Variants in GASK1A observed in about 807,000 individuals in gnomAD.
GASK1A encodes the protein Golgi-associated kinase 1A.
Under a neutral mutation model 41.2 loss-of-function variants are expected in GASK1A, and 40 were observed. The ratio of observed to expected loss-of-function variants is 0.97; its 90% CI spans 0.75 to 1.27. GASK1A has a LOEUF of 1.27. Ranked by LOEUF, GASK1A falls within the 50% of genes most tolerant of loss-of-function variation. The probability of loss-of-function intolerance (pLI) is 0.00; values close to 1 mark genes in which losing one functional copy is unlikely to be tolerated. For synonymous variants in GASK1A, 316 were observed against 307.1 expected, an observed-to-expected ratio of 1.03 and a Z score of -0.30; for missense variants, 678 against 745.1, an observed-to-expected ratio of 0.91 and a Z score of 1.05.
intron 2 of GASK1A, among the ~76,000 whole-genome samples, chr3:43,034,188 G>C (rs964408622): frequency 1.3e-5 from 2 of 152,218 alleles, no homozygotes; most frequent in East Asian, 3.9e-4. Flanking sequence ...AAAAGAGAGA[G>C]GGAGAGGTGG....
Position 43,044,154 on chromosome 3 carries a change from C to A in GASK1A, c.1291-9367C>A, listed in dbSNP as rs564466995. Among the ~76,000 whole-genome samples the A allele has an allele frequency of 8.3e-4, 126 of 152,302 alleles. 1 individual carries two copies. The South Asian group carries it at 0.012, about 14-fold the overall frequency. ...GTTTGGTGGGAGCAAGGGGGTTTGG[C>A]TGACCATGCAGCAGGTGTGAAGCAA... On this transcript the variant is annotated intron_variant, in intron 2 of 4. Transcript: ENST00000430121.
chr3:42,979,465 G>C lies in GASK1A; in HGVS notation c.-178G>C. On this transcript the variant is annotated 5_prime_UTR_variant, in exon 1 of 5. Transcript: ENST00000430121. ...AGCGATCTCCCGAGAGTTGGCGCAG[G>C]GCCACTTGGCTGCAGAGAACGTGTG... The C allele has an allele frequency of 1.8e-6, 1 of 550,366 alleles. No individual in the cohort carries two copies. 34.1% of individuals were successfully genotyped at this position (550,366 alleles called of 1,614,324 possible). A position where few individuals can be genotyped will look rare whatever the true frequency, so the allele number is the denominator to read the frequency against.
intron 1 of GASK1A, among the ~76,000 whole-genome samples, chr3:42,994,726 G>T (rs1301656029): frequency 6.6e-6 from 1 of 152,076 alleles, no homozygotes; most frequent in Non-Finnish European, 1.5e-5. Flanking sequence ...TCAGAAACTT[G>T]TTAATTAGGC....
intron 2 of GASK1A, among the ~76,000 whole-genome samples, chr3:43,046,065 C>T (rs773129456): frequency 6.6e-6 from 1 of 152,060 alleles, no homozygotes; most frequent in Non-Finnish European, 1.5e-5. Flanking sequence ...TAAATTGGTA[C>T]CACAAAGAGT....
intron 1 of GASK1A, among the ~76,000 whole-genome samples, chr3:43,024,113 C>T (rs1231021074): frequency 2.0e-5 from 3 of 152,106 alleles, no homozygotes; most frequent in Admixed American, 6.5e-5. Context: ...GGAAGGACTG[C>T]CCCTCCGAGG....
intron 1 of GASK1A, among the ~76,000 whole-genome samples, chr3:43,020,417 C>A (rs2089515572): frequency 6.6e-6 from 1 of 152,196 alleles, no homozygotes; most frequent in South Asian, 2.1e-4. Flanking sequence ...AGAGATAAGT[C>A]TGTGACTGGG....
Position 43,055,548 on chromosome 3 carries a change from A to T in GASK1A, c.1517+13A>T. The T allele has an allele frequency of 4.5e-6, 7 of 1,542,022 alleles. No homozygotes were observed. The highest frequency in any genetic ancestry group is 6.2e-6 in the Non-Finnish European group (7 of 1,138,180). On this transcript the variant is annotated intron_variant, in intron 4 of 4. Coordinates refer to ENST00000430121, the MANE Select transcript of GASK1A (RefSeq NM_001129908.3). ...AGGGCATAGATGGGTGAGGGTCAAA[A>T]GGGTTGGGTGGAAGTTCATGGGACT...
chr3:43,053,614 C>G lies in GASK1A; in HGVS notation c.1384C>G (p.Pro462Ala), dbSNP rs1055481833. 2 of 1,551,628 alleles carry G rather than the reference C, an allele frequency of 1.3e-6. No homozygotes were observed. The highest frequency in any genetic ancestry group is 8.7e-7 in the Non-Finnish European group (1 of 1,147,020). ...EERLREKCQN[P>A]AELRLVHILV... The stretch of plus-strand genomic sequence containing the variant: ...GAGGCTCCGAGAGAAATGCCAGAAC[C>G]CAGCCGAGCTGCGGCTGGTCCACAT... Residue 462 changes from proline (P) to alanine (A), a missense_variant, in exon 3 of 5, where the codon CCA becomes GCA. Transcript: ENST00000430121.
chr3:43,019,790 C>CACA (rs1559402103), intron 1 of GASK1A, among the ~76,000 whole-genome samples: 26 of 145,710 alleles, frequency 1.8e-4, no homozygotes, highest in African/African-American at 6.6e-4. Context: ...ACACACACAC[C>CACA]CCATCACATG....
intron 1 of GASK1A, among the ~76,000 whole-genome samples, chr3:43,003,438 T>C (rs1043638437): frequency 1.4e-5 from 2 of 146,918 alleles, no homozygotes; most frequent in African/African-American, 5.1e-5. Context: ...GAGGTTGCAG[T>C]GAGCCAAGAT....
Position 43,057,457 on chromosome 3 carries a change from A to G in GASK1A, c.*1071A>G, listed in dbSNP as rs2089721757. The G allele has an allele frequency of 6.7e-6, 1 of 148,968 alleles. No homozygotes were observed. The highest frequency in any genetic ancestry group is 1.5e-5 in the Non-Finnish European group (1 of 67,338). The allele number at this position is 148,968 out of a possible 1,614,324, so 9.2% of individuals were successfully genotyped here. On this transcript the variant is annotated 3_prime_UTR_variant, in exon 5 of 5. Coordinates refer to ENST00000430121, the MANE Select transcript of GASK1A (RefSeq NM_001129908.3). ...ATTATTTTTCTACACCTTCACCAAC[A>G]CTTGGCATTCTCAGACTTTTGGGTT...
intron 1 of GASK1A, among the ~76,000 whole-genome samples, chr3:43,008,439 G>A (rs534039359): frequency 6.6e-6 from 1 of 152,328 alleles, no homozygotes; most frequent in Non-Finnish European, 1.5e-5. Flanking sequence ...TATGCCCACG[G>A]TTGTCAGGAA....
intron 1 of GASK1A, among the ~76,000 whole-genome samples, chr3:42,992,757 G>A (rs1575435486): frequency 1.3e-5 from 2 of 152,310 alleles, no homozygotes; most frequent in South Asian, 2.1e-4. Flanking sequence ...AACTTCAGCC[G>A]AATTAAATTT....
intron 2 of GASK1A, among the ~76,000 whole-genome samples, chr3:43,045,687 G>T (rs1176126324): frequency 6.6e-6 from 1 of 152,106 alleles, no homozygotes; most frequent in African/African-American, 2.4e-5. Context: ...TGGTGATATG[G>T]TTTGACTGTG....
intron 2 of GASK1A, among the ~76,000 whole-genome samples, chr3:43,048,717 C>T (rs879674306): frequency 2.6e-5 from 4 of 152,126 alleles, no homozygotes; most frequent in Non-Finnish European, 4.4e-5. Context: ...TTTTCCAGCA[C>T]ATTTGCCTGC....
chr3:43,031,168 T>C (rs1436808375), intron 1 of GASK1A, among the ~76,000 whole-genome samples: 1 of 152,240 alleles, frequency 6.6e-6, no homozygotes, highest in African/African-American at 2.4e-5. Context: ...GACTAGATTG[T>C]CCATTCATTT....
Position 42,990,396 on chromosome 3 carries a change from C to T in GASK1A, c.3+10751C>T, listed in dbSNP as rs372791606. On this transcript the variant is annotated intron_variant, in intron 1 of 4. Transcript: ENST00000430121. Reference sequence around the variant, plus strand: ...CCTATGCATACACCCTTGGGGATAACTCCCAACCAGCTTCTCAGAGTGCTG... The same window carrying T: ...CCTATGCATACACCCTTGGGGATAATTCCCAACCAGCTTCTCAGAGTGCTG... 4.6e-5 allele frequency among the ~76,000 whole-genome samples: 7 copies of T among 150,850 alleles called. 1 individual carries two copies. The highest frequency in any genetic ancestry group is 1.7e-4 in the African/African-American group (7 of 41,054).
At position 43,033,005 on chromosome 3, in the gene GASK1A, T is replaced by C. The variant is rs1185538060; in HGVS notation, c.742T>C (p.Leu248=). The stretch of plus-strand genomic sequence containing the variant: ...AGTATGGTGTGATGCTGAGACGCTG[T>C]TGAGCAGCTCGAGGACTGGTGGGCA... ...GSVWCDAETL[L]SSSRTGGQAP... The change falls in exon 2 of 5, where the codon TTG becomes CTG. Residue 248 remains leucine (L), a synonymous_variant. Coordinates refer to ENST00000430121, the MANE Select transcript of GASK1A (RefSeq NM_001129908.3). The C allele has an allele frequency of 2.6e-6, 4 of 1,551,528 alleles. No homozygotes were observed. The highest frequency in any genetic ancestry group is 3.5e-6 in the Non-Finnish European group (4 of 1,146,968).
intron 1 of GASK1A, among the ~76,000 whole-genome samples, chr3:43,028,787 C>T (rs953852794): frequency 2.0e-5 from 3 of 152,198 alleles, no homozygotes; most frequent in Non-Finnish European, 4.4e-5. Flanking sequence ...GTCTCCCTGC[C>T]CTGTGGCCCT....
Sources: gnomAD v4.1 joint callset for allele counts (sites outside exome capture counted in the v4.1 genomes callset) on GRCh38, gnomAD v4.1.1 for gene constraint, MANE v1.5 for transcripts, NCBI Gene and HGNC (gene_info 2026-07-23, HGNC 2026-07-21) for gene names.